The following CAMK2D variants were observed in gnomAD, a reference collection of about 807,000 sequenced individuals.
CAMK2D encodes the protein calcium/calmodulin dependent protein kinase II delta.
A neutral mutation model predicts 84.0 loss-of-function variants in CAMK2D; 37 were observed. The ratio of observed to expected loss-of-function variants is 0.44; its 90% CI spans 0.34 to 0.58. The LOEUF is 0.58. CAMK2D is among the 20% of genes least tolerant of loss of function. The probability of loss-of-function intolerance (pLI) is 0.02; values close to 1 mark genes in which losing one functional copy is unlikely to be tolerated. For synonymous variants in CAMK2D, 202 were observed against 212.5 expected, an observed-to-expected ratio of 0.95 and a Z score of 0.43; for missense variants, 448 against 652.5, an observed-to-expected ratio of 0.69 and a Z score of 3.41.
intron 3 of CAMK2D, among the ~76,000 whole-genome samples, chr4:113,629,878 T>C (rs1226461278): frequency 2.6e-5 from 4 of 151,976 alleles, no homozygotes; most frequent in South Asian, 2.1e-4. Flanking sequence ...TGGGCAGACT[T>C]ACATACAGGA....
intron 2 of CAMK2D, among the ~76,000 whole-genome samples, chr4:113,740,492 G>T (rs2099590336): frequency 6.6e-6 from 1 of 151,936 alleles, no homozygotes; most frequent in Admixed American, 6.6e-5. Flanking sequence ...AGGAGGAGAG[G>T]TAAGAATGAT....
chr4:113,505,551 C>A (rs1158779398), intron 13 of CAMK2D, among the ~76,000 whole-genome samples: 6 of 152,076 alleles, frequency 3.9e-5, no homozygotes, highest in African/African-American at 1.4e-4. Flanking sequence ...ACGCTGGTGT[C>A]ACAATAGCTT....
chr4:113,516,278 A>C (rs2098282097), intron 9 of CAMK2D, among the ~76,000 whole-genome samples: 1 of 152,182 alleles, frequency 6.6e-6, no homozygotes, highest in African/African-American at 2.4e-5. Flanking sequence ...CAGTTGTAAA[A>C]GCTTGCTAAC....
At chr4:113,652,791 T>C (rs17046372) in intron 3 of CAMK2D, among the ~76,000 whole-genome samples, 22,113 of 152,076 alleles carry the variant, frequency 0.15, 1,769 homozygotes, top group African/African-American at 0.21. Context: ...ATCAGAACTA[T>C]TTCAGTAAAT....
chr4:113,747,778 T>C (rs2099607955), intron 2 of CAMK2D, among the ~76,000 whole-genome samples: 1 of 152,152 alleles, frequency 6.6e-6, no homozygotes, highest in Admixed American at 6.5e-5. Context: ...TAACTCAGTG[T>C]TGTAAAATTC....
intron 2 of CAMK2D, among the ~76,000 whole-genome samples, chr4:113,712,484 T>C (rs569558214): frequency 6.6e-6 from 1 of 152,118 alleles, no homozygotes; most frequent in Non-Finnish European, 1.5e-5. Context: ...CAATTAAATA[T>C]TAACAAATCA....
intron 5 of CAMK2D, 34 bp from the exon 6 acceptor site, chr4:113,547,750 C>T (rs1478252902): frequency 5.0e-6 from 7 of 1,394,274 alleles, no homozygotes; most frequent in Admixed American, 2.0e-5. Flanking sequence ...TGTGTTAGTT[C>T]CAAGCTTACA....
chr4:113,597,276 T>C (rs897812771), intron 4 of CAMK2D, among the ~76,000 whole-genome samples: 1 of 152,254 alleles, frequency 6.6e-6, no homozygotes, highest in African/African-American at 2.4e-5. Flanking sequence ...CTTCCTCCAA[T>C]AGAAGATTGT....
chr4:113,761,080 G>A lies in CAMK2D; in HGVS notation c.-12C>T. 1.2e-6 allele frequency: 2 copies of A among 1,614,016 alleles called. No individual in the cohort carries two copies. The highest frequency in any genetic ancestry group is 1.7e-6 in the Non-Finnish European group (2 of 1,180,018). Reference sequence around the variant, plus strand: ...GTGGTCGAAGCCATCCTCGGTCCGGGCTGTGCCCTGGCTGGGAGCGCGACG... The same window carrying A: ...GTGGTCGAAGCCATCCTCGGTCCGGACTGTGCCCTGGCTGGGAGCGCGACG... On this transcript the variant is annotated 5_prime_UTR_variant, in exon 1 of 21. Transcript: ENST00000511664.
At chr4:113,728,150 C>CTTAGGAG (rs1290032670) in intron 2 of CAMK2D, among the ~76,000 whole-genome samples, 8 of 152,138 alleles carry the variant, frequency 5.3e-5, no homozygotes, top group Non-Finnish European at 7.4e-5. Context: ...TCCATCAATT[C>CTTAGGAG]TACTCCTAAG....
intron 2 of CAMK2D, among the ~76,000 whole-genome samples, chr4:113,745,483 TG>T (rs1457558381): frequency 6.6e-6 from 1 of 152,240 alleles, no homozygotes; most frequent in Non-Finnish European, 1.5e-5. Flanking sequence ...CAAACCAGTT[TG>T]TAAGTTTTTT....
At position 113,460,216 on chromosome 4, in the gene CAMK2D, C is replaced by T; in HGVS notation, c.1237G>A (p.Ala413Thr). The T allele has an allele frequency of 6.2e-7, 1 of 1,603,020 alleles. No individual in the cohort carries two copies. ...YTKICDPGLT[A>T]FEPEALGNLV... Reference sequence around the variant, plus strand: ...TTACCCAAAGCTTCAGGTTCAAAAGCAGTAAGGCCTGGGTCACAGATTTTT... The same window carrying T: ...TTACCCAAAGCTTCAGGTTCAAAAGTAGTAAGGCCTGGGTCACAGATTTTT... Residue 413 changes from alanine (A) to threonine (T), a missense_variant, in exon 18 of 21, where the codon GCT (alanine) becomes ACT (threonine). Transcript: ENST00000511664.
chr4:113,635,617 T>C (rs370365101), intron 3 of CAMK2D, among the ~76,000 whole-genome samples: 1 of 152,204 alleles, frequency 6.6e-6, no homozygotes, highest in East Asian at 1.9e-4. Context: ...TTCACAAATA[T>C]GTTAGTATGT....
chr4:113,595,440 TTGTGTGTGTGTGTGTGTG>T (rs71582188), intron 4 of CAMK2D, among the ~76,000 whole-genome samples: 2 of 143,394 alleles, frequency 1.4e-5, no homozygotes, highest in Admixed American at 7.7e-5. Context: ...TTATGTATGC[TTGTGTGTGTGTGTGTGTG>T]TGTGTGTGTG....
intron 5 of CAMK2D, among the ~76,000 whole-genome samples, chr4:113,550,689 A>G (rs2098620575): frequency 6.6e-6 from 1 of 152,222 alleles, no homozygotes; most frequent in Non-Finnish European, 1.5e-5. Context: ...GATTAAAAGT[A>G]TTACTGTTTC....
chr4:113,760,900 C>T (rs2099639867), intron 1 of CAMK2D, 104 bp downstream of exon 1: 3 of 1,458,236 alleles, frequency 2.1e-6, no homozygotes, highest in Non-Finnish European at 1.9e-6. Flanking sequence ...TCCCATTCCT[C>T]TCCCAAACTC....
intron 3 of CAMK2D, among the ~76,000 whole-genome samples, chr4:113,644,128 T>G (rs1365173996): frequency 6.6e-6 from 1 of 152,110 alleles, no homozygotes; most frequent in African/African-American, 2.4e-5. Context: ...TCATAAGACG[T>G]GCAGACCCTG....
At chr4:113,484,678 A>C (rs2097747667) in intron 16 of CAMK2D, among the ~76,000 whole-genome samples, 1 of 152,224 alleles carries the variant, frequency 6.6e-6, no homozygotes, top group African/African-American at 2.4e-5. Context: ...GCTGTTATCA[A>C]TCAAGTCAAC....
intron 4 of CAMK2D, 40 bp from the exon 5 acceptor site, chr4:113,552,136 A>C (rs2098633500): frequency 1.0e-6 from 1 of 978,950 alleles, no homozygotes; most frequent in Non-Finnish European, 1.5e-6. Context: ...AAAAAGAAGC[A>C]AAAAAAAATA....
Sources: gnomAD v4.1 joint callset for allele counts (sites outside exome capture counted in the v4.1 genomes callset) on GRCh38, gnomAD v4.1.1 for gene constraint, MANE v1.5 for transcripts, NCBI Gene and HGNC (gene_info 2026-07-23, HGNC 2026-07-21) for gene names.